Variants in FGL1 observed in about 807,000 individuals in gnomAD.
The protein encoded by FGL1 is fibrinogen like 1, also known as fibrinogen-like protein 1.
Under a neutral mutation model 43.7 loss-of-function variants are expected in FGL1, and 59 were observed. That is an observed-to-expected ratio of 1.35 (90% CI 1.10 to 1.68). FGL1 has a LOEUF of 1.68. Among genes scored for constraint, FGL1 ranks in the 40% most tolerant of loss-of-function variants. The pLI is 0.00. For missense variants in FGL1, 596 were observed against 373.0 expected (o/e 1.60, Z -4.92); for synonymous variants, 192 against 126.5 (o/e 1.52, Z -3.48).
intron 3 of FGL1, among the ~76,000 whole-genome samples, chr8:17,876,343 A>G (rs1487213454): frequency 6.6e-6 from 1 of 152,194 alleles, no homozygotes; most frequent in Non-Finnish European, 1.5e-5. Flanking sequence ...TGAATAGGCC[A>G]TAGACATCAG....
At chr8:17,878,723 A>T (rs892493399) in intron 3 of FGL1, among the ~76,000 whole-genome samples, 1 of 152,230 alleles carries the variant, frequency 6.6e-6, no homozygotes, top group Non-Finnish European at 1.5e-5. Flanking sequence ...TTCTACCATC[A>T]GATAAATTAG....
chr8:17,869,328 G>A (rs2653413), intron 5 of FGL1, among the ~76,000 whole-genome samples: 112,073 of 152,016 alleles, frequency 0.74, 41,819 homozygotes, highest in Non-Finnish European at 0.79. Context: ...CAATGAAAGG[G>A]TCGACGTTTT....
chr8:17,882,924 C>G lies in FGL1; in HGVS notation c.64-745G>C, dbSNP rs543028254. 3.9e-4 allele frequency among the ~76,000 whole-genome samples: 35 copies of G among 90,898 alleles called. No homozygotes were observed. The East Asian group carries it at 9.1e-3, about 24-fold the overall frequency. 59.6% of individuals were successfully genotyped at this position (90,898 alleles called of 152,430 possible). A position where few individuals can be genotyped will look rare whatever the true frequency, so the allele number is the denominator to read the frequency against. On this transcript the variant is annotated intron_variant, in intron 2 of 7. Coordinates refer to ENST00000427924, the MANE Select transcript of FGL1 (RefSeq NM_004467.4). ...ATATATTAAATAATATATAATATAT[C>G]TCATATATAATATATTAAATAATAT...
In FGL1 at chr8:17,868,664, A is replaced by G. The variant is rs751582403; in HGVS notation, c.663T>C (p.Pro221=). The change falls in exon 7 of 8, where the codon CCT becomes CCC. Residue 221 remains proline (P), a synonymous_variant. Coordinates refer to ENST00000427924, the MANE Select transcript of FGL1 (RefSeq NM_004467.4). ...GGTGACTAGCCCACCACTGCACCTC[A>G]GGATGAAAATTCCCCGCAAGGGAAT... ...AGDSLAGNFH[P]EVQWWASHQR... is the part of the protein sequence containing the mutation. 3.7e-6 allele frequency: 6 copies of G among 1,613,960 alleles called. No homozygotes were observed. The Admixed American group carries it at 8.3e-5, about 22-fold the overall frequency.
intron 1 of FGL1, among the ~76,000 whole-genome samples, chr8:17,889,732 T>C (rs2053679194): frequency 6.6e-6 from 1 of 152,232 alleles, no homozygotes; most frequent in Non-Finnish European, 1.5e-5. Context: ...TCTTTCTTTA[T>C]TGCCTGGTTA....
In FGL1 at chr8:17,883,291, T is replaced by G. The variant is rs185308985; in HGVS notation, c.64-1112A>C. Among the ~76,000 whole-genome samples the G allele has an allele frequency of 5.5e-4, 44 of 79,632 alleles. 11 individuals are homozygous for G. The highest frequency in any genetic ancestry group is 6.8e-4 in the Non-Finnish European group (35 of 51,338). The allele number at this position is 79,632 out of a possible 152,430, so 52.2% of individuals were successfully genotyped here. On this transcript the variant is annotated intron_variant, in intron 2 of 7. Coordinates refer to ENST00000427924, the MANE Select transcript of FGL1 (RefSeq NM_004467.4). ...TATATTAAATAATATATCATATATA[T>G]CATATATAATATATTAAATAACATA... is the stretch of plus-strand genomic sequence containing the variant.
chr8:17,882,002 C>T lies in FGL1; in HGVS notation c.241G>A (p.Ala81Thr). The T allele has an allele frequency of 6.2e-7, 1 of 1,613,592 alleles. No homozygotes were observed. Among genetic ancestry groups the T allele is most frequent in the Non-Finnish European group, 8.5e-7 (1 of 1,179,698 alleles). The part of the protein sequence containing the change: ...VIDLGSKRQY[A>T]DCSEIFNDGY... ...CTTAAGAAAAGTCCATTCTGACCTG[C>T]ATACTGCCTCTTGCTTCCAAGATCA... Residue 81 changes from alanine to threonine, a missense_variant, in exon 3 of 8, where the codon GCA becomes ACA. Ala to Thr is a moderately conservative substitution (Grantham distance 58). Coordinates refer to ENST00000427924, the MANE Select transcript of FGL1 (RefSeq NM_004467.4).
At chr8:17,870,449 T>C (rs1454505288) in intron 5 of FGL1, among the ~76,000 whole-genome samples, 1 of 152,168 alleles carries the variant, frequency 6.6e-6, no homozygotes, top group African/African-American at 2.4e-5. Context: ...GATATAACAA[T>C]GACCTGTAAG....
intron 6 of FGL1, 41 bp downstream of exon 6, chr8:17,868,875 A>G: frequency 2.0e-6 from 3 of 1,501,826 alleles, no homozygotes; most frequent in Non-Finnish European, 2.7e-6. Context: ...GCACATTTTA[A>G]GCATTTATTC....
At chr8:17,885,801 G>C (rs185824929) in intron 1 of FGL1, 29 of 472,000 alleles carry the variant, frequency 6.1e-5, no homozygotes, top group Middle Eastern at 1.1e-3. Flanking sequence ...AAGGACTCTG[G>C]TTCTTTTCGC....
intron 3 of FGL1, among the ~76,000 whole-genome samples, chr8:17,874,899 C>T (rs995320356): frequency 1.4e-5 from 2 of 146,720 alleles, no homozygotes; most frequent in East Asian, 2.0e-4. Context: ...CACAGACTCC[C>T]AAAGGGCTGG....
chr8:17,875,588 T>C (rs1300697063), intron 3 of FGL1, among the ~76,000 whole-genome samples: 63 of 137,732 alleles, frequency 4.6e-4, no homozygotes, highest in African/African-American at 1.7e-3. Flanking sequence ...TTTCTTTCTT[T>C]CTTTCTTTCT....
intron 1 of FGL1, among the ~76,000 whole-genome samples, chr8:17,892,826 AT>A (rs111567890): frequency 7.2e-5 from 11 of 152,236 alleles, no homozygotes; most frequent in African/African-American, 2.6e-4. Context: ...TTGTTGAAAA[AT>A]TTTTTTATTT....
intron 5 of FGL1, among the ~76,000 whole-genome samples, chr8:17,871,833 A>G (rs559341088): frequency 6.6e-6 from 1 of 152,334 alleles, no homozygotes; most frequent in Admixed American, 6.5e-5. Flanking sequence ...CTGAGTACCA[A>G]GTTGATATAT....
At chr8:17,886,534 G>C (rs147571395) in intron 1 of FGL1, among the ~76,000 whole-genome samples, 3 of 152,292 alleles carry the variant, frequency 2.0e-5, no homozygotes, top group Non-Finnish European at 4.4e-5. Flanking sequence ...GAGGTGGGCA[G>C]ATCACTCGAG....
intron 3 of FGL1, among the ~76,000 whole-genome samples, chr8:17,881,414 C>T (rs569159737): frequency 1.3e-3 from 192 of 151,638 alleles, no homozygotes; most frequent in African/African-American, 4.0e-3. Context: ...GGATTACAGG[C>T]GTGAGCCACC....
chr8:17,885,681 T>A, intron 1 of FGL1, 110 bp from the exon 2 acceptor site: 1 of 811,646 alleles, frequency 1.2e-6, no homozygotes, highest in East Asian at 2.7e-5. Flanking sequence ...AGGCCATCCC[T>A]AATCTTAGAG....
chr8:17,886,325 T>C (rs1782233034), intron 1 of FGL1, among the ~76,000 whole-genome samples: 3 of 152,188 alleles, frequency 2.0e-5, no homozygotes, highest in Admixed American at 2.0e-4. Flanking sequence ...ATTGAACACA[T>C]GAATTTAATT....
At chr8:17,886,631 G>A (rs374956349) in intron 1 of FGL1, among the ~76,000 whole-genome samples, 4 of 152,150 alleles carry the variant, frequency 2.6e-5, no homozygotes, top group Non-Finnish European at 4.4e-5. Context: ...GGTGGTGGGC[G>A]CCTGTACTCC....
Sources: allele counts gnomAD v4.1 joint callset (sites outside exome capture counted in the v4.1 genomes callset), GRCh38; gene constraint gnomAD v4.1.1; transcripts MANE v1.5; gene names NCBI Gene and HGNC (gene_info 2026-07-23, HGNC 2026-07-21).